ACP1: variants seen among roughly 807,000 people sequenced by gnomAD.
ACP1 encodes the protein acid phosphatase 1.
ACP1 carries 23 observed loss-of-function variants against 23.4 expected under a neutral mutation model. The ratio of observed to expected loss-of-function variants is 0.98; its 90% CI spans 0.71 to 1.39. ACP1 has a LOEUF of 1.39. ACP1 is among the 40% of genes most tolerant of loss of function. The pLI is 0.00. For missense variants in ACP1, 180 were observed against 197.7 expected (o/e 0.91, Z 0.54); for synonymous variants, 72 against 67.2 (o/e 1.07, Z -0.35).
At chr2:269,583 C>G (rs113438429) in intron 1 of ACP1, among the ~76,000 whole-genome samples, 9 of 152,296 alleles carry the variant, frequency 5.9e-5, no homozygotes, top group African/African-American at 2.2e-4. Context: ...CTCCTAATGT[C>G]TGGACTCAGT....
At chr2:273,990 T>C (rs1227230556) in intron 3 of ACP1, among the ~76,000 whole-genome samples, 1 of 152,026 alleles carries the variant, frequency 6.6e-6, no homozygotes, top group East Asian at 1.9e-4. Context: ...GTGAGACCCA[T>C]CTCTACCAAA....
chr2:269,455 T>A (rs1045113748), intron 1 of ACP1: 74 of 418,308 alleles, frequency 1.8e-4, no homozygotes, highest in South Asian at 1.3e-3. Context: ...CACTAGAAGA[T>A]CCTCATTGTA....
intron 1 of ACP1, among the ~76,000 whole-genome samples, chr2:268,244 G>A (rs1398727412): frequency 1.3e-5 from 2 of 152,160 alleles, no homozygotes; most frequent in Admixed American, 6.5e-5. Flanking sequence ...GAATTTGAGC[G>A]GTAAATGGCA....
intron 1 of ACP1, chr2:269,393 A>G (rs1669974486): frequency 2.1e-6 from 1 of 465,826 alleles, no homozygotes; most frequent in Non-Finnish European, 4.4e-6. Context: ...TGAAGGCTGT[A>G]GTAAGGCAGT....
In ACP1 at chr2:277,241, C is replaced by T. The variant is rs762409559; in HGVS notation, c.414C>T (p.Asp138=). ...IEDPYYGNDS[D]FETVYQQCVR... is the part of the protein sequence containing the mutation. ...TGTCCATTTAGGGGAATGACTCTGA[C>T]TTTGAGACGGTGTACCAGCAGTGTG... Residue 138 remains aspartate, a synonymous_variant, in exon 6 of 6, where the codon GAC becomes GAT. Coordinates refer to ENST00000272065, the MANE Select transcript of ACP1 (RefSeq NM_004300.4). 1.2e-6 allele frequency: 2 copies of T among 1,613,976 alleles called. No homozygotes were observed. Among genetic ancestry groups the T allele is most frequent in the Non-Finnish European group, 1.7e-6 (2 of 1,180,036 alleles).
chr2:270,116 C>T (rs529338578), intron 1 of ACP1, among the ~76,000 whole-genome samples: 28 of 152,320 alleles, frequency 1.8e-4, no homozygotes, highest in African/African-American at 6.7e-4. Context: ...TCTAGTGTTT[C>T]CTTAGCTGTG....
chr2:269,838 G>A (rs1007836243), intron 1 of ACP1, among the ~76,000 whole-genome samples: 2 of 152,206 alleles, frequency 1.3e-5, no homozygotes, highest in African/African-American at 2.4e-5. Context: ...GTTTCCCTCA[G>A]TCTGCTACCA....
At chr2:270,264 G>C (rs1211218625) in intron 1 of ACP1, among the ~76,000 whole-genome samples, 1 of 152,160 alleles carries the variant, frequency 6.6e-6, no homozygotes, top group African/African-American at 2.4e-5. Context: ...CTTTTCCATA[G>C]GACTTTCTAT....
intron 4 of ACP1, among the ~76,000 whole-genome samples, 158 bp from the exon 5 acceptor site, chr2:276,822 A>G (rs868688670): frequency 2.0e-5 from 3 of 152,220 alleles, no homozygotes; most frequent in African/African-American, 7.2e-5. Context: ...ATACAGCTGC[A>G]GAAGGGGCCA....
Position 278,189 on chromosome 2 carries a change from TGTAAG to T in ACP1, c.*890_*894del, listed in dbSNP as rs1048285315. The T allele has an allele frequency of 2.4e-4, 36 of 152,378 alleles. No homozygotes were observed. The highest frequency in any genetic ancestry group is 7.0e-4 in the African/African-American group (29 of 41,598). 9.4% of individuals were successfully genotyped at this position (152,378 alleles called of 1,614,324 possible). ...AGCATTTAATAAATGTATAGGCAGA[TGTAAG>T]GTAATTTCTGTGTATTTTGAGATAA... On this transcript the variant is annotated 3_prime_UTR_variant, in exon 6 of 6. Coordinates refer to ENST00000272065, the MANE Select transcript of ACP1 (RefSeq NM_004300.4).
intron 1 of ACP1, among the ~76,000 whole-genome samples, chr2:271,035 T>C (rs1385776486): frequency 1.3e-5 from 2 of 152,128 alleles, no homozygotes; most frequent in African/African-American, 2.4e-5. Flanking sequence ...GACATCGTGG[T>C]CTGGAGAGTG....
At chr2:276,480 A>G (rs1344393692) in intron 4 of ACP1, among the ~76,000 whole-genome samples, 1 of 152,160 alleles carries the variant, frequency 6.6e-6, no homozygotes, top group South Asian at 2.1e-4. Context: ...TTTTGTAGCA[A>G]TGTGAAAGCT....
chr2:271,923 A>G lies in ACP1; in HGVS notation c.101A>G (p.Gln34Arg), dbSNP rs775800303. ...GTTTTCAGGAAACTTGTAACCGATCAAAACATCTCAGAGAATGTAAGTACC... is the reference window on the plus strand; with the variant it reads ...GTTTTCAGGAAACTTGTAACCGATCGAAACATCTCAGAGAATGTAAGTACC... ...EAVFRKLVTD[Q>R]NISENWRVDS... is the part of the protein sequence containing the mutation. Residue 34 changes from glutamine to arginine, a missense_variant, in exon 2 of 6, where the codon CAA becomes CGA. Around this residue, in one of 3 missense-constraint regions of ACP1, gnomAD observed 132 missense variants for 124.1 expected, o/e 1.06. Coordinates refer to ENST00000272065, the MANE Select transcript of ACP1 (RefSeq NM_004300.4). The G allele has an allele frequency of 2.5e-6, 4 of 1,613,508 alleles. No homozygotes were observed. In the East Asian group the frequency reaches 6.7e-5, roughly 27 times the overall value.
intron 4 of ACP1, among the ~76,000 whole-genome samples, chr2:276,067 C>T (rs1463384960): frequency 6.6e-6 from 1 of 152,008 alleles, no homozygotes; most frequent in Non-Finnish European, 1.5e-5. Context: ...TTTAGGAGAC[C>T]CCATTTGCTT....
Position 272,133 on chromosome 2 carries a change from A to T in ACP1, c.214A>T (p.Ser72Cys). 1.9e-6 allele frequency: 3 copies of T among 1,614,170 alleles called. No individual in the cohort carries two copies. Among genetic ancestry groups the T allele is most frequent in the Admixed American group, 1.7e-5 (1 of 60,016 alleles). Residue 72 changes from serine (S) to cysteine (C), a missense_variant, in exon 3 of 6, where the codon AGC (serine) becomes TGC (cysteine). Coordinates refer to ENST00000272065, the MANE Select transcript of ACP1 (RefSeq NM_004300.4). ...SCMKRHGIPM[S>C]HVARQITKED... ...CATGAAGAGGCACGGCATTCCCATGAGCCACGTTGCCCGGCAGGTACCGTC... is the reference window on the plus strand; with the variant it reads ...CATGAAGAGGCACGGCATTCCCATGTGCCACGTTGCCCGGCAGGTACCGTC...
At chr2:269,306 A>G (rs1248197186) in intron 1 of ACP1, 5 of 470,766 alleles carry the variant, frequency 1.1e-5, no homozygotes, top group Non-Finnish European at 2.2e-5. Context: ...TGTAGGTAAG[A>G]TTTTTTACTG....
chr2:273,534 G>T (rs1292606952), intron 3 of ACP1, among the ~76,000 whole-genome samples: 1 of 152,184 alleles, frequency 6.6e-6, no homozygotes, highest in African/African-American at 2.4e-5. Flanking sequence ...TGTAGTTCGC[G>T]GCTGCTTTTG....
At chr2:270,926 A>C (rs535148943) in intron 1 of ACP1, among the ~76,000 whole-genome samples, 2 of 152,114 alleles carry the variant, frequency 1.3e-5, no homozygotes, top group South Asian at 4.2e-4. Flanking sequence ...TGCTTTCCTG[A>C]GTTTGGGGAG....
At chr2:268,648 C>T (rs1669953336) in intron 1 of ACP1, among the ~76,000 whole-genome samples, 1 of 152,164 alleles carries the variant, frequency 6.6e-6, no homozygotes. Flanking sequence ...GAGTCTCCAT[C>T]CTTGAATTGA....
Sources: allele counts gnomAD v4.1 joint callset (sites outside exome capture counted in the v4.1 genomes callset), GRCh38; gene constraint gnomAD v4.1.1; regional missense constraint gnomAD v4.1.1; transcripts MANE v1.5; gene names NCBI Gene and HGNC (gene_info 2026-07-23, HGNC 2026-07-21).